NRXN3: variants seen among roughly 807,000 people sequenced by gnomAD.
The protein encoded by NRXN3 is neurexin 3.
Under a neutral mutation model 137.6 loss-of-function variants are expected in NRXN3, and 32 were observed. The ratio of observed to expected loss-of-function variants is 0.23; its 90% CI spans 0.18 to 0.31. NRXN3 has a LOEUF of 0.31. Ranked by LOEUF, NRXN3 falls within the 10% of genes least tolerant of loss-of-function variation. The probability of loss-of-function intolerance (pLI) is 1.00; values close to 1 mark genes in which losing one functional copy is unlikely to be tolerated. For synonymous variants in NRXN3, 798 were observed against 784.5 expected (o/e 1.02, Z -0.29); for missense variants, 1,574 against 2,062.5 (o/e 0.76, Z 4.59).
At chr14:79,203,679 G>T (rs922742676) in intron 15 of NRXN3, among the ~76,000 whole-genome samples, 1 of 152,170 alleles carries the variant, frequency 6.6e-6, no homozygotes, top group Non-Finnish European at 1.5e-5. Context: ...GTGTGCTAAA[G>T]CTTTGCAATA....
chr14:78,334,561 C>T (rs760150632), intron 4 of NRXN3, among the ~76,000 whole-genome samples: 1 of 152,106 alleles, frequency 6.6e-6, no homozygotes, highest in Non-Finnish European at 1.5e-5. Flanking sequence ...TCTTTGATCT[C>T]GTCTGAAGTT....
intron 15 of NRXN3, among the ~76,000 whole-genome samples, chr14:79,349,055 T>C (rs963510150): frequency 3.3e-5 from 5 of 152,196 alleles, no homozygotes; most frequent in Admixed American, 6.5e-5. Context: ...ATTACCTAAA[T>C]TAGCATGGAT....
intron 4 of NRXN3, among the ~76,000 whole-genome samples, chr14:78,483,491 A>G (rs747832761): frequency 2.6e-5 from 4 of 152,172 alleles, no homozygotes; most frequent in Non-Finnish European, 5.9e-5. Context: ...CAAATCAACT[A>G]CTAATAATCC....
Position 79,080,730 on chromosome 14 carries a change from T to C in NRXN3, c.3262+92589T>C, listed in dbSNP as rs1170779899. Among the ~76,000 whole-genome samples, 4 of 152,184 alleles carry C rather than the reference T, an allele frequency of 2.6e-5. No individual in the cohort carries two copies. The East Asian group carries it at 7.7e-4, about 29-fold the overall frequency. ...ATGAAAAGAAGGAAGCCTGTGACAA[T>C]TATTTTATTCAAGCCTCCAAAACAG... On this transcript the variant is annotated intron_variant, in intron 15 of 20. Transcript: ENST00000335750.
intron 4 of NRXN3, among the ~76,000 whole-genome samples, chr14:78,414,319 G>A (rs2093009803): frequency 6.6e-6 from 1 of 152,160 alleles, no homozygotes; most frequent in South Asian, 2.1e-4. Context: ...GCCTTTTATT[G>A]ACACTGAAGT....
At chr14:79,213,833 G>T (rs1294626185) in intron 15 of NRXN3, among the ~76,000 whole-genome samples, 1 of 152,104 alleles carries the variant, frequency 6.6e-6, no homozygotes, top group African/African-American at 2.4e-5. Flanking sequence ...GGAGGGACTG[G>T]CCCTTGTGAT....
chr14:79,537,291 C>G (rs981813057), intron 16 of NRXN3, among the ~76,000 whole-genome samples: 1 of 151,118 alleles, frequency 6.6e-6, no homozygotes, highest in Non-Finnish European at 1.5e-5. Flanking sequence ...GTCCTTTGCC[C>G]ACTTTTTTTT....
chr14:78,422,240 C>T (rs950843983), intron 4 of NRXN3, among the ~76,000 whole-genome samples: 12 of 152,228 alleles, frequency 7.9e-5, no homozygotes, highest in Non-Finnish European at 1.3e-4. Flanking sequence ...CTGGCCCCCA[C>T]ATACGATCAG....
intron 15 of NRXN3, among the ~76,000 whole-genome samples, chr14:79,232,231 T>C (rs1470307940): frequency 1.3e-5 from 2 of 152,096 alleles, no homozygotes; most frequent in Non-Finnish European, 2.9e-5. Context: ...TCATTGCCCC[T>C]TGCCACGTCT....
Position 79,678,418 on chromosome 14 carries a change from A to G in NRXN3, c.3617-13755A>G, listed in dbSNP as rs114506457. Among the ~76,000 whole-genome samples, 1,012 of 152,304 alleles carry G rather than the reference A, an allele frequency of 6.6e-3. 16 individuals carry two copies. Among genetic ancestry groups the G allele is most frequent in the African/African-American group, 0.023 (957 of 41,574 alleles). The stretch of plus-strand genomic sequence containing the variant: ...ACTGAATAATAGGACTTGAACCATT[A>G]TTCAATCAGACCAAGTTTAAACCCA... On this transcript the variant is annotated intron_variant, in intron 17 of 20. Coordinates refer to ENST00000335750, the MANE Select transcript of NRXN3 (RefSeq NM_001330195.2).
intron 10 of NRXN3, among the ~76,000 whole-genome samples, chr14:78,910,873 GT>G (rs2099235343): frequency 6.6e-6 from 1 of 152,072 alleles, no homozygotes; most frequent in African/African-American, 2.4e-5. Context: ...TTCCAAACAT[GT>G]TTCAGATGTT....
chr14:79,792,718 G>A (rs2099149044), intron 19 of NRXN3, among the ~76,000 whole-genome samples: 2 of 152,172 alleles, frequency 1.3e-5, no homozygotes, highest in Admixed American at 6.5e-5. Context: ...AGAGGGCCAG[G>A]GTGGAAAGGC....
intron 4 of NRXN3, among the ~76,000 whole-genome samples, chr14:78,431,887 A>G (rs992325387): frequency 2.0e-5 from 3 of 152,232 alleles, no homozygotes; most frequent in Middle Eastern, 3.4e-3. Flanking sequence ...TATTATCCCC[A>G]CTTTGCAGAT....
intron 15 of NRXN3, among the ~76,000 whole-genome samples, chr14:79,264,536 G>A (rs1429854814): frequency 6.6e-6 from 1 of 151,638 alleles, no homozygotes; most frequent in Non-Finnish European, 1.5e-5. Flanking sequence ...GTGTGTGTGT[G>A]TGTGTGTGTG....
At chr14:79,077,616 T>C (rs2046198670) in intron 15 of NRXN3, among the ~76,000 whole-genome samples, 1 of 152,146 alleles carries the variant, frequency 6.6e-6, no homozygotes, top group South Asian at 2.1e-4. Context: ...AGATCACAAA[T>C]GAGTAAGGTT....
At chr14:79,347,463 C>A (rs1598975126) in intron 15 of NRXN3, among the ~76,000 whole-genome samples, 1 of 151,784 alleles carries the variant, frequency 6.6e-6, no homozygotes. Flanking sequence ...GCTCTGTCAC[C>A]CAGGCTGGAG....
At chr14:79,212,579 C>A (rs371517263) in intron 15 of NRXN3, among the ~76,000 whole-genome samples, 1 of 152,170 alleles carries the variant, frequency 6.6e-6, no homozygotes, top group Non-Finnish European at 1.5e-5. Flanking sequence ...AATACCTATA[C>A]TTTATACCTG....
At chr14:78,291,576 C>T (rs2153518607) in intron 3 of NRXN3, among the ~76,000 whole-genome samples, 1 of 152,274 alleles carries the variant, frequency 6.6e-6, no homozygotes, top group Admixed American at 6.5e-5. Context: ...TTTCCAAATT[C>T]CTGGTCACCC....
intron 19 of NRXN3, among the ~76,000 whole-genome samples, chr14:79,772,986 T>A (rs1383435173): frequency 3.3e-5 from 5 of 152,088 alleles, no homozygotes; most frequent in African/African-American, 4.8e-5. Flanking sequence ...CAGACACTTC[T>A]CAAAAGAAGA....
Sources: allele counts gnomAD v4.1 joint callset (sites outside exome capture counted in the v4.1 genomes callset), GRCh38; gene constraint gnomAD v4.1.1; transcripts MANE v1.5; gene names NCBI Gene and HGNC (gene_info 2026-07-23, HGNC 2026-07-21).